The following PEX14 variants were observed in gnomAD, a reference collection of about 807,000 sequenced individuals.
The protein encoded by PEX14 is peroxisomal membrane protein PEX14.
In PEX14, 15 loss-of-function variants were observed where a neutral mutation model predicts 49.5. The observed-to-expected ratio is 0.30, with a 90% CI of 0.20 to 0.47. PEX14 has a LOEUF of 0.47. Ranked by LOEUF, PEX14 falls within the 20% of genes least tolerant of loss-of-function variation. The pLI is 1.00. For synonymous variants in PEX14, 210 were observed against 212.7 expected (o/e 0.99, Z 0.11); for missense variants, 398 against 494.8 (o/e 0.80, Z 1.86).
chr1:10,537,313 G>A (rs1403094198), intron 3 of PEX14, among the ~76,000 whole-genome samples: 1 of 129,670 alleles, frequency 7.7e-6, no homozygotes, highest in Non-Finnish European at 1.5e-5. Flanking sequence ...AGCACTGCAC[G>A]GCTGCTCACT....
At chr1:10,530,900 G>C (rs1390553214) in intron 2 of PEX14, among the ~76,000 whole-genome samples, 3 of 152,100 alleles carry the variant, frequency 2.0e-5, no homozygotes, top group Non-Finnish European at 4.4e-5. Context: ...TCCGACGCTT[G>C]CTTTCTTTTG....
At chr1:10,618,448 TGCCCCTGCCACCCTGTG>T (rs1287513433) in intron 5 of PEX14, 31 bp downstream of exon 5, 1 of 1,498,066 alleles carries the variant, frequency 6.7e-7, no homozygotes, top group Non-Finnish European at 9.3e-7. Flanking sequence ...GCAGGTGCTG[TGCCCCTGCCACCCTGTG>T]GCATTCAGCA....
chr1:10,627,022 A>C (rs1641768199), intron 7 of PEX14, among the ~76,000 whole-genome samples: 1 of 152,134 alleles, frequency 6.6e-6, no homozygotes, highest in East Asian at 1.9e-4. Flanking sequence ...CCACGATACC[A>C]TTATGTCACC....
At chr1:10,515,545 C>T (rs1641955719) in intron 2 of PEX14, among the ~76,000 whole-genome samples, 1 of 152,140 alleles carries the variant, frequency 6.6e-6, no homozygotes, top group Non-Finnish European at 1.5e-5. Context: ...CCTGGACATT[C>T]CTGATCTCAG....
chr1:10,484,949 G>A (rs1641342657), intron 1 of PEX14, among the ~76,000 whole-genome samples: 2 of 151,668 alleles, frequency 1.3e-5, no homozygotes, highest in Admixed American at 6.6e-5. Flanking sequence ...ATGCAGTCAC[G>A]TACATGCTGT....
chr1:10,510,125 A>T (rs1033428776), intron 2 of PEX14, among the ~76,000 whole-genome samples: 1 of 152,050 alleles, frequency 6.6e-6, no homozygotes, highest in African/African-American at 2.4e-5. Context: ...GACTAGATCG[A>T]TCCTTTCCTA....
chr1:10,589,309 C>T (rs776712685), intron 3 of PEX14, among the ~76,000 whole-genome samples: 6 of 152,118 alleles, frequency 3.9e-5, no homozygotes, highest in Admixed American at 3.9e-4. Context: ...GAGGGCACAG[C>T]GGGTTCAAAC....
At chr1:10,621,490 G>A (rs539527491) in intron 5 of PEX14, among the ~76,000 whole-genome samples, 2 of 152,190 alleles carry the variant, frequency 1.3e-5, no homozygotes, top group Admixed American at 6.5e-5. Context: ...GGGATTACAG[G>A]CATGCGCCAC....
chr1:10,625,925 G>T (rs1034165893), intron 7 of PEX14, among the ~76,000 whole-genome samples: 1 of 152,166 alleles, frequency 6.6e-6, no homozygotes, highest in African/African-American at 2.4e-5. Context: ...TCTCTCCCGA[G>T]CTGCATGGGG....
At chr1:10,523,817 C>G (rs1252706287) in intron 2 of PEX14, among the ~76,000 whole-genome samples, 1 of 111,630 alleles carries the variant, frequency 9.0e-6, no homozygotes, top group African/African-American at 3.1e-5. Context: ...ATGCTGTTTC[C>G]TTTTAGTTAA....
intron 1 of PEX14, among the ~76,000 whole-genome samples, chr1:10,476,604 G>T (rs1166622547): frequency 6.6e-6 from 1 of 152,062 alleles, no homozygotes; most frequent in African/African-American, 2.4e-5. Flanking sequence ...CAATTCTCCT[G>T]CCTCAGCCTC....
chr1:10,571,302 C>A (rs528714372), intron 3 of PEX14, among the ~76,000 whole-genome samples: 22 of 141,562 alleles, frequency 1.6e-4, no homozygotes, highest in Admixed American at 4.5e-4. Context: ...CTTTTCACTT[C>A]TGGTGCCTTT....
chr1:10,571,045 C>T (rs964931417), intron 3 of PEX14, among the ~76,000 whole-genome samples: 3 of 104,560 alleles, frequency 2.9e-5, no homozygotes, highest in Admixed American at 1.2e-4. Flanking sequence ...TTTGTAGAGA[C>T]GGGATTTTGC....
chr1:10,554,492 G>C (rs1394890557), intron 3 of PEX14, among the ~76,000 whole-genome samples: 1 of 152,126 alleles, frequency 6.6e-6, no homozygotes, highest in African/African-American at 2.4e-5. Flanking sequence ...GAGGCAGGGA[G>C]AAGGGCATTT....
At chr1:10,506,153 C>T (rs1235331665) in intron 2 of PEX14, among the ~76,000 whole-genome samples, 1 of 152,228 alleles carries the variant, frequency 6.6e-6, no homozygotes, top group Non-Finnish European at 1.5e-5. Flanking sequence ...CAGCCAGTCT[C>T]TCCCACACTC....
At chr1:10,607,864 C>T (rs1325040939) in intron 4 of PEX14, among the ~76,000 whole-genome samples, 4 of 152,148 alleles carry the variant, frequency 2.6e-5, no homozygotes, top group Non-Finnish European at 5.9e-5. Flanking sequence ...GAAGAGCACA[C>T]AATTTTAATT....
rs1641549422 is a variant in PEX14, at chr1:10,495,756, A to T, written c.84+435A>T. ...GGAATTCTGGTTTTGCCTGGTCAGT[A>T]ATTGTGTGATTGTCATTCCCAACGC... On this transcript the variant is annotated intron_variant, in intron 2 of 8. Transcript: ENST00000356607. This position sits in a 1 kb window ranked among gnomAD's most constrained non-coding sequence, Gnocchi z 4.2. Among the ~76,000 whole-genome samples, 1 of 152,178 alleles carries T rather than the reference A, an allele frequency of 6.6e-6. No individual in the cohort carries two copies.
At chr1:10,509,046 C>T (rs946742659) in intron 2 of PEX14, among the ~76,000 whole-genome samples, 1 of 152,066 alleles carries the variant, frequency 6.6e-6, no homozygotes, top group Non-Finnish European at 1.5e-5. Context: ...ACGCCATTCT[C>T]CTGCCTCAGC....
At chr1:10,497,113 A>C (rs1249981778) in intron 2 of PEX14, among the ~76,000 whole-genome samples, 1 of 152,138 alleles carries the variant, frequency 6.6e-6, no homozygotes, top group African/African-American at 2.4e-5. Context: ...TTTTTATATT[A>C]AACTCCCACA....
Sources: gnomAD v4.1 joint callset for allele counts (sites outside exome capture counted in the v4.1 genomes callset) on GRCh38, gnomAD v4.1.1 for gene constraint, Gnocchi (gnomAD v3.1) non-coding constraint, MANE v1.5 for transcripts, NCBI Gene and HGNC (gene_info 2026-07-23, HGNC 2026-07-21) for gene names.